TAFA2: variants seen among roughly 807,000 people sequenced by gnomAD.
The protein encoded by TAFA2 is chemokine-like protein TAFA-2.
Under a neutral mutation model 18.8 loss-of-function variants are expected in TAFA2, and 7 were observed. That is an observed-to-expected ratio of 0.37 (90% confidence interval 0.21 to 0.70). The LOEUF (loss-of-function observed/expected upper bound fraction) is 0.70. Among genes scored for constraint, TAFA2 ranks in the 30% least tolerant of loss-of-function variants. The pLI is 0.53. For synonymous variants in TAFA2, 60 were observed against 54.2 expected, an observed-to-expected ratio of 1.11 and a Z score of -0.47; for missense variants, 122 against 158.1, an observed-to-expected ratio of 0.77 and a Z score of 1.23.
intron 2 of TAFA2, among the ~76,000 whole-genome samples, chr12:61,845,888 T>C (rs1592429996): frequency 6.6e-6 from 1 of 152,148 alleles, no homozygotes; most frequent in Admixed American, 6.6e-5. Context: ...ATATTCCTGA[T>C]AGAATATAAA....
intron 1 of TAFA2, among the ~76,000 whole-genome samples, chr12:62,190,186 G>A (rs1042978943): frequency 6.6e-6 from 1 of 152,012 alleles, no homozygotes; most frequent in African/African-American, 2.4e-5. Context: ...TTAACACTCG[G>A]TCAGGACGTG....
At chr12:62,075,847 T>G (rs996066428) in intron 1 of TAFA2, among the ~76,000 whole-genome samples, 7 of 152,252 alleles carry the variant, frequency 4.6e-5, no homozygotes, top group Non-Finnish European at 8.8e-5. Flanking sequence ...ATATTGTTAG[T>G]GATAACTAAC....
chr12:61,722,550 A>G (rs1461604673), intron 4 of TAFA2, among the ~76,000 whole-genome samples: 2 of 152,176 alleles, frequency 1.3e-5, no homozygotes, highest in Non-Finnish European at 2.9e-5. Context: ...GGAGAGTTTC[A>G]GTTTTTTGTT....
chr12:61,731,188 T>G (rs990039404), intron 4 of TAFA2, among the ~76,000 whole-genome samples: 2 of 152,138 alleles, frequency 1.3e-5, no homozygotes, highest in African/African-American at 2.4e-5. Context: ...TAAATCCTTC[T>G]CCCATCATCT....
chr12:62,079,806 A>G (rs1361757591), intron 1 of TAFA2, among the ~76,000 whole-genome samples: 1 of 152,224 alleles, frequency 6.6e-6, no homozygotes, highest in Non-Finnish European at 1.5e-5. Context: ...TTCTCACAAA[A>G]AAAGTGCATC....
chr12:62,072,192 C>T (rs348637), intron 1 of TAFA2, among the ~76,000 whole-genome samples: 59,400 of 151,214 alleles, frequency 0.39, 12,040 homozygotes, highest in African/African-American at 0.48. Context: ...TGGCCGGGCG[C>T]GGTGGCTCAC....
chr12:62,083,716 T>C (rs1868358638), intron 1 of TAFA2, among the ~76,000 whole-genome samples: 1 of 152,100 alleles, frequency 6.6e-6, no homozygotes, highest in African/African-American at 2.4e-5. Context: ...TTACACTTTT[T>C]AAATATATTT....
intron 2 of TAFA2, among the ~76,000 whole-genome samples, chr12:61,836,756 T>TATATATATATACACACAC (rs68158949): frequency 1.8e-4 from 21 of 119,844 alleles, no homozygotes; most frequent in African/African-American, 5.8e-4. Flanking sequence ...TATATATATA[T>TATATATATATACACACAC]ACACACACAC....
intron 1 of TAFA2, among the ~76,000 whole-genome samples, chr12:62,210,379 A>C (rs563626660): frequency 6.6e-4 from 101 of 152,094 alleles, no homozygotes; most frequent in Non-Finnish European, 1.1e-3. Context: ...CTCCATCCAA[A>C]CTCTCTATAG....
intron 2 of TAFA2, among the ~76,000 whole-genome samples, chr12:61,769,097 A>G (rs910121311): frequency 3.3e-5 from 5 of 151,728 alleles, no homozygotes; most frequent in African/African-American, 4.8e-5. Flanking sequence ...CTTCCCTGGT[A>G]TGAAGCAGCA....
intron 1 of TAFA2, among the ~76,000 whole-genome samples, chr12:62,239,105 G>C (rs985374753): frequency 1.3e-5 from 2 of 151,796 alleles, no homozygotes; most frequent in African/African-American, 4.8e-5. Flanking sequence ...TTTTCCCTCT[G>C]TGCCAATTTC....
chr12:61,764,369 G>T (rs1317066083), intron 2 of TAFA2, among the ~76,000 whole-genome samples: 1 of 152,034 alleles, frequency 6.6e-6, no homozygotes, highest in African/African-American at 2.4e-5. Flanking sequence ...GAATCACATT[G>T]TTCTTTTATG....
intron 1 of TAFA2, among the ~76,000 whole-genome samples, chr12:62,136,565 T>G (rs1335703207): frequency 6.6e-6 from 1 of 152,174 alleles, no homozygotes; most frequent in Non-Finnish European, 1.5e-5. Context: ...ACAATGGCAG[T>G]TAAGCATAAG....
At chr12:61,825,963 T>C (rs1358322591) in intron 2 of TAFA2, among the ~76,000 whole-genome samples, 1 of 152,038 alleles carries the variant, frequency 6.6e-6, no homozygotes, top group South Asian at 2.1e-4. Context: ...AAACAACTGA[T>C]GAAAGTTCAA....
At chr12:62,100,423 T>C (rs991007619) in intron 1 of TAFA2, among the ~76,000 whole-genome samples, 90 of 152,210 alleles carry the variant, frequency 5.9e-4, no homozygotes, top group African/African-American at 2.1e-3. Context: ...TGCTTCCAAA[T>C]ACATGAAAAG....
chr12:61,788,499 C>A (rs1870832968), intron 2 of TAFA2, among the ~76,000 whole-genome samples: 1 of 151,508 alleles, frequency 6.6e-6, no homozygotes, highest in Non-Finnish European at 1.5e-5. Flanking sequence ...GAGATCATAT[C>A]AAATATCTTT....
intron 1 of TAFA2, among the ~76,000 whole-genome samples, chr12:62,041,214 G>C (rs1284934175): frequency 1.3e-5 from 2 of 152,038 alleles, no homozygotes; most frequent in African/African-American, 2.4e-5. Flanking sequence ...TTCTGAGGGA[G>C]GTGTCTTATC....
chr12:61,928,186 T>C (rs536228310), intron 1 of TAFA2, among the ~76,000 whole-genome samples: 16 of 152,308 alleles, frequency 1.1e-4, no homozygotes, highest in African/African-American at 3.6e-4. Context: ...AAAGAGCTTC[T>C]GCACAGCAAA....
At chr12:61,862,573 G>C (rs540089230) in intron 2 of TAFA2, among the ~76,000 whole-genome samples, 2 of 151,958 alleles carry the variant, frequency 1.3e-5, no homozygotes, top group East Asian at 3.9e-4. Flanking sequence ...CTTGTATTTC[G>C]GTAGAGGTAT....
Sources: gnomAD v4.1 joint callset for allele counts (sites outside exome capture counted in the v4.1 genomes callset) on GRCh38, gnomAD v4.1.1 for gene constraint, MANE v1.5 for transcripts, NCBI Gene and HGNC (gene_info 2026-07-23, HGNC 2026-07-21) for gene names.